The following CDYL2 variants were observed in gnomAD, a reference collection of about 807,000 sequenced individuals.
The protein encoded by CDYL2 is chromodomain Y-like protein 2.
In CDYL2, 23 loss-of-function variants were observed where a neutral mutation model predicts 49.4. The observed-to-expected ratio is 0.47, with a 90% CI of 0.34 to 0.66. CDYL2 has a LOEUF of 0.66. Among genes scored for constraint, CDYL2 ranks in the 30% least tolerant of loss-of-function variants. The pLI is 0.01. For missense variants in CDYL2, 678 were observed against 656.4 expected (o/e 1.03, Z -0.36); for synonymous variants, 360 against 268.8 (o/e 1.34, Z -3.32).
intron 2 of CDYL2, among the ~76,000 whole-genome samples, chr16:80,677,406 G>C (rs1416440696): frequency 6.6e-6 from 1 of 152,110 alleles, no homozygotes; most frequent in East Asian, 1.9e-4. Flanking sequence ...TAGTCACAGC[G>C]TTTCAGGCTC....
chr16:80,791,546 TCTC>T (rs1264323067), intron 1 of CDYL2, among the ~76,000 whole-genome samples: 1 of 152,000 alleles, frequency 6.6e-6, no homozygotes. Context: ...AGGGTGGAAA[TCTC>T]CTGATAAGCT....
intron 2 of CDYL2, among the ~76,000 whole-genome samples, chr16:80,669,685 T>G (rs553042708): frequency 7.3e-4 from 111 of 152,294 alleles, no homozygotes; most frequent in East Asian, 2.7e-3. Flanking sequence ...GCTGGCTTTG[T>G]GGCCTCAGGC....
intron 2 of CDYL2, among the ~76,000 whole-genome samples, chr16:80,645,363 A>T (rs184051592): frequency 1.7e-3 from 262 of 152,344 alleles, no homozygotes; most frequent in Middle Eastern, 3.4e-3. Flanking sequence ...ACATTTATGC[A>T]GCCAAAAGAC....
chr16:80,736,759 T>G (rs534191720), intron 1 of CDYL2, among the ~76,000 whole-genome samples: 1 of 152,166 alleles, frequency 6.6e-6, no homozygotes, highest in African/African-American at 2.4e-5. Context: ...TTTTTAATCA[T>G]CAAAAATTAT....
intron 1 of CDYL2, among the ~76,000 whole-genome samples, chr16:80,753,778 A>C (rs1208159694): frequency 6.6e-6 from 1 of 152,238 alleles, no homozygotes; most frequent in African/African-American, 2.4e-5. Flanking sequence ...GAAAAGACAG[A>C]TAAACTAGAC....
chr16:80,705,603 T>C (rs1003224477), intron 1 of CDYL2, among the ~76,000 whole-genome samples: 1 of 152,272 alleles, frequency 6.6e-6, no homozygotes, highest in Non-Finnish European at 1.5e-5. Context: ...ATGAATATTT[T>C]CCACATTTCT....
chr16:80,674,425 TC>T (rs1909658401), intron 2 of CDYL2, among the ~76,000 whole-genome samples: 1 of 109,366 alleles, frequency 9.1e-6, no homozygotes, highest in Non-Finnish European at 2.4e-5. Flanking sequence ...CTTTTTCTTC[TC>T]CTTTTTTTTA....
chr16:80,707,028 C>T (rs562257788), intron 1 of CDYL2, among the ~76,000 whole-genome samples: 11 of 152,294 alleles, frequency 7.2e-5, no homozygotes, highest in Admixed American at 3.9e-4. Flanking sequence ...CAGAGGATGT[C>T]GCCTCAGAGC....
In CDYL2 at chr16:80,754,827, G is replaced by T. The variant is rs186387148; in HGVS notation, c.24+49323C>A. Among the ~76,000 whole-genome samples, 612 of 152,202 alleles carry T rather than the reference G, an allele frequency of 4.0e-3. 3 individuals are homozygous for T. Among genetic ancestry groups the T allele is most frequent in the Non-Finnish European group, 4.0e-3 (269 of 68,002 alleles). The stretch of plus-strand genomic sequence containing the variant: ...TTTCTTTCTAAAAAATTAATAAACT[G>T]GGAAATCAAAGGGCTCCCAGGGGAG... On this transcript the variant is annotated intron_variant, in intron 1 of 6. Transcript: ENST00000570137.
At chr16:80,679,999 A>G (rs1041967391) in intron 2 of CDYL2, among the ~76,000 whole-genome samples, 1 of 152,242 alleles carries the variant, frequency 6.6e-6, no homozygotes, top group Non-Finnish European at 1.5e-5. Flanking sequence ...CAAAAGCCAT[A>G]GGCCACTTCC....
intron 2 of CDYL2, among the ~76,000 whole-genome samples, chr16:80,659,050 GTGATGGATGGAT>G (rs1908926738): frequency 9.2e-6 from 1 of 109,170 alleles, no homozygotes; most frequent in Non-Finnish European, 1.8e-5. Context: ...CACGATAGAG[GTGATGGATGGAT>G]GGATGGATGG....
chr16:80,654,915 T>C (rs1003387349), intron 2 of CDYL2, among the ~76,000 whole-genome samples: 4 of 151,940 alleles, frequency 2.6e-5, no homozygotes, highest in Non-Finnish European at 5.9e-5. Flanking sequence ...GAGGGAGTTG[T>C]TCCTTCAGGG....
chr16:80,733,783 C>T (rs564935224), intron 1 of CDYL2, among the ~76,000 whole-genome samples: 3 of 152,264 alleles, frequency 2.0e-5, no homozygotes, highest in South Asian at 2.1e-4. Flanking sequence ...TTGCCTTTAA[C>T]CAGAACTATT....
chr16:80,802,776 C>T (rs1338160694), intron 1 of CDYL2, among the ~76,000 whole-genome samples: 1 of 152,192 alleles, frequency 6.6e-6, no homozygotes, highest in Non-Finnish European at 1.5e-5. Context: ...CGCCAGTCAG[C>T]AAACCCACCA....
In CDYL2 at chr16:80,684,711, G is replaced by A. The variant is rs760360953; in HGVS notation, c.443C>T (p.Pro148Leu). ...CATCCCGTTCTGAGACTTTTTCAGG[G>A]GCATTATTTGCAAACCACTGGGGGT... is the stretch of plus-strand genomic sequence containing the variant. ...RTTPSGLQIM[P>L]LKKSQNGMEN... is the part of the protein sequence containing the mutation. The change falls in exon 2 of 7, where the codon CCC becomes CTC. Residue 148 changes from proline (P) to leucine (L), a missense_variant. This residue lies in a region of CDYL2 where 478 missense variants were observed against 427.0 expected (regional missense o/e 1.12). Coordinates refer to ENST00000570137, the MANE Select transcript of CDYL2 (RefSeq NM_152342.4). 2 of 1,614,102 alleles carry A rather than the reference G, an allele frequency of 1.2e-6. No individual in the cohort carries two copies. Among genetic ancestry groups the A allele is most frequent in the South Asian group, 2.2e-5 (2 of 91,068 alleles).
intron 2 of CDYL2, among the ~76,000 whole-genome samples, chr16:80,660,723 TGAG>T (rs1186493235): frequency 1.3e-5 from 2 of 152,168 alleles, no homozygotes; most frequent in Admixed American, 1.3e-4. Context: ...TAAGATTTCC[TGAG>T]GAGAAACTCT....
chr16:80,649,793 G>A (rs1908508349), intron 2 of CDYL2, among the ~76,000 whole-genome samples: 1 of 152,076 alleles, frequency 6.6e-6, no homozygotes, highest in Non-Finnish European at 1.5e-5. Context: ...ACAGAATAGA[G>A]AACCCAGAAA....
At chr16:80,613,950 G>C (rs1453822034) in intron 4 of CDYL2, among the ~76,000 whole-genome samples, 6 of 152,170 alleles carry the variant, frequency 3.9e-5, no homozygotes, top group Non-Finnish European at 7.3e-5. Flanking sequence ...CACTGTGCAT[G>C]AGCCACATGG....
intron 3 of CDYL2, chr16:80,628,264 C>A (rs1907391324): frequency 6.6e-6 from 1 of 152,266 alleles, no homozygotes; most frequent in African/African-American, 2.4e-5. Flanking sequence ...ATCCCACCCT[C>A]AAGAGAAGAC....
Sources: allele counts gnomAD v4.1 joint callset (sites outside exome capture counted in the v4.1 genomes callset), GRCh38; gene constraint gnomAD v4.1.1; regional missense constraint gnomAD v4.1.1; transcripts MANE v1.5; gene names NCBI Gene and HGNC (gene_info 2026-07-23, HGNC 2026-07-21).